The following KTN1 variants were observed in gnomAD, a reference collection of about 807,000 sequenced individuals.
KTN1 encodes the protein kinectin.
Under a neutral mutation model 222.5 loss-of-function variants are expected in KTN1, and 130 were observed. The observed-to-expected ratio is 0.58, with a 90% CI of 0.51 to 0.68. The LOEUF (loss-of-function observed/expected upper bound fraction) is 0.68. KTN1 is among the 30% of genes least tolerant of loss of function. The probability of loss-of-function intolerance (pLI) is 0.00; values close to 1 mark genes in which losing one functional copy is unlikely to be tolerated. For missense variants in KTN1, 1,508 were observed against 1,500.4 expected (o/e 1.01, Z -0.08); for synonymous variants, 512 against 496.3 (o/e 1.03, Z -0.42).
chr14:55,581,751 T>A (rs1008152089), intron 1 of KTN1, among the ~76,000 whole-genome samples: 2 of 145,822 alleles, frequency 1.4e-5, no homozygotes, highest in Non-Finnish European at 2.9e-5. Flanking sequence ...CAATTGCTGG[T>A]GAGACTTGGG....
intron 1 of KTN1, among the ~76,000 whole-genome samples, chr14:55,609,330 T>C (rs2037205515): frequency 6.6e-6 from 1 of 152,208 alleles, no homozygotes; most frequent in African/African-American, 2.4e-5. Flanking sequence ...GGACATGATC[T>C]CATTCCTTTT....
At chr14:55,659,795 A>T (rs992999417) in intron 31 of KTN1, 92 bp downstream of exon 31, 3 of 735,676 alleles carry the variant, frequency 4.1e-6, no homozygotes, top group Non-Finnish European at 7.2e-6. Context: ...GTAACTGCAA[A>T]TGGCACCTGA....
At chr14:55,596,461 T>G (rs770644619) in intron 1 of KTN1, among the ~76,000 whole-genome samples, 1 of 152,202 alleles carries the variant, frequency 6.6e-6, no homozygotes, top group Non-Finnish European at 1.5e-5. Flanking sequence ...GAGGTGATTG[T>G]GTTGTAAACA....
intron 1 of KTN1, among the ~76,000 whole-genome samples, chr14:55,589,968 A>G (rs1017362172): frequency 2.6e-5 from 4 of 151,950 alleles, no homozygotes; most frequent in African/African-American, 9.7e-5. Context: ...TATTTATCTG[A>G]TTTCTTAAGG....
rs560583872 is a variant in KTN1, at chr14:55,613,770, G to A, written c.523+1199G>A. ...AGGCGTGAGCCACCACGCTTGACCC[G>A]GTTGTATTGGATTTTAAATATTTGC... On this transcript the variant is annotated intron_variant, in intron 2 of 43. Transcript: ENST00000395314. Among the ~76,000 whole-genome samples the A allele has an allele frequency of 1.3e-4, 20 of 152,076 alleles. No homozygotes were observed. The South Asian group carries it at 3.7e-3, about 28-fold the overall frequency.
At chr14:55,678,294 T>C in intron 41 of KTN1, 58 bp from the exon 42 acceptor site, 2 of 988,678 alleles carry the variant, frequency 2.0e-6, no homozygotes, top group Non-Finnish European at 3.1e-6. Context: ...AAATTATTCA[T>C]TTTTTATGTA....
intron 20 of KTN1, 56 bp downstream of exon 20, chr14:55,648,171 T>G: frequency 1.2e-6 from 1 of 853,644 alleles, no homozygotes; most frequent in Non-Finnish European, 1.8e-6. Context: ...ATAAAAGGAT[T>G]TCTCTGTAAT....
chr14:55,642,496 C>G (rs1207243354), intron 18 of KTN1, among the ~76,000 whole-genome samples: 1 of 152,172 alleles, frequency 6.6e-6, no homozygotes, highest in African/African-American at 2.4e-5. Context: ...CTACGCAGCT[C>G]TTACAATTAC....
At chr14:55,622,654 A>AT (rs1418910158) in intron 5 of KTN1, among the ~76,000 whole-genome samples, 1 of 152,074 alleles carries the variant, frequency 6.6e-6, no homozygotes, top group South Asian at 2.1e-4. Context: ...CAGTGGTTTA[A>AT]TTTTTTCTTA....
At chr14:55,602,093 A>G (rs2036058857) in intron 1 of KTN1, among the ~76,000 whole-genome samples, 1 of 152,136 alleles carries the variant, frequency 6.6e-6, no homozygotes, top group Non-Finnish European at 1.5e-5. Flanking sequence ...TTTTTAGTTG[A>G]TTTGAATGAT....
intron 5 of KTN1, among the ~76,000 whole-genome samples, chr14:55,620,387 G>A (rs1566728507): frequency 6.6e-6 from 1 of 152,186 alleles, no homozygotes; most frequent in Non-Finnish European, 1.5e-5. Flanking sequence ...CAGTGCTTCA[G>A]TGGGGACTTA....
At chr14:55,602,061 T>C (rs1376778300) in intron 1 of KTN1, among the ~76,000 whole-genome samples, 1 of 152,208 alleles carries the variant, frequency 6.6e-6, no homozygotes, top group Non-Finnish European at 1.5e-5. Context: ...TTTTTTCTTA[T>C]GTTTGAAACT....
intron 24 of KTN1, chr14:55,651,570 A>T: frequency 2.7e-6 from 1 of 367,002 alleles, no homozygotes; most frequent in Non-Finnish European, 5.2e-6. Flanking sequence ...CAACTGATTG[A>T]TCACAACCAG....
intron 43 of KTN1, chr14:55,683,047 A>C (rs2046506697): frequency 6.6e-6 from 1 of 152,148 alleles, no homozygotes. Flanking sequence ...TTCTGAAAGA[A>C]AAAGTCCTTT....
At chr14:55,672,300 C>T in intron 37 of KTN1, 1 of 244,094 alleles carries the variant, frequency 4.1e-6, no homozygotes. Flanking sequence ...TACCATTACT[C>T]ACTTATTTTT....
rs778854633 is a variant in KTN1, at chr14:55,612,149, A to G, written c.101A>G (p.Tyr34Cys). 45 of 1,580,600 alleles carry G rather than the reference A, an allele frequency of 2.8e-5. 1 individual carries two copies. In the South Asian group the frequency reaches 4.3e-4, roughly 15 times the overall value. The change falls in exon 2 of 44, where the codon TAT (tyrosine) becomes TGT (cysteine). Residue 34 changes from tyrosine (Y) to cysteine (C), a missense_variant. Tyr to Cys is a radical substitution (Grantham distance 194, BLOSUM62 -2). Transcript: ENST00000395314. ...FFWLFMKETLYDEVLAKQKRE... is the reference protein window; with the variant it reads ...FFWLFMKETLCDEVLAKQKRE... ...TGGCTTTTCATGAAAGAAACATTAT[A>G]TGATGAAGTTCTTGCAAAACAGAAA...
At chr14:55,663,296 A>T (rs1267025756) in intron 32 of KTN1, 3 of 176,954 alleles carry the variant, frequency 1.7e-5, no homozygotes, top group Non-Finnish European at 3.6e-5. Context: ...GTTAAAATCC[A>T]GATCTCTCAA....
chr14:55,606,894 T>C (rs182103904), intron 1 of KTN1, among the ~76,000 whole-genome samples: 44 of 152,324 alleles, frequency 2.9e-4, no homozygotes, highest in Admixed American at 2.9e-3. Context: ...ACAAAACTTT[T>C]AGTCTTTCTG....
intron 5 of KTN1, among the ~76,000 whole-genome samples, chr14:55,622,579 T>G (rs1299077526): frequency 1.3e-5 from 2 of 152,222 alleles, no homozygotes; most frequent in African/African-American, 2.4e-5. Context: ...CATTTAACTG[T>G]CTTTATTCTA....
Sources: allele counts gnomAD v4.1 joint callset (sites outside exome capture counted in the v4.1 genomes callset), GRCh38; gene constraint gnomAD v4.1.1; transcripts MANE v1.5; gene names NCBI Gene and HGNC (gene_info 2026-07-23, HGNC 2026-07-21).